The following PRKAR2A variants were observed in gnomAD, a reference collection of about 807,000 sequenced individuals.
The protein encoded by PRKAR2A is cAMP-dependent protein kinase type II-alpha regulatory subunit.
PRKAR2A carries 29 observed loss-of-function variants against 51.9 expected under a neutral mutation model. The ratio of observed to expected loss-of-function variants is 0.56; its 90% CI spans 0.42 to 0.76. The LOEUF (loss-of-function observed/expected upper bound fraction) is 0.76. Among genes scored for constraint, PRKAR2A ranks in the 30% least tolerant of loss-of-function variants. The pLI, the probability that PRKAR2A is intolerant of heterozygous loss-of-function variation, is 0.00. For synonymous variants in PRKAR2A, 178 were observed against 186.2 expected, an observed-to-expected ratio of 0.96 and a Z score of 0.36; for missense variants, 445 against 512.1, an observed-to-expected ratio of 0.87 and a Z score of 1.26.
At chr3:48,828,965 C>T (rs2083119190) in intron 1 of PRKAR2A, among the ~76,000 whole-genome samples, 1 of 151,846 alleles carries the variant, frequency 6.6e-6, no homozygotes, top group Admixed American at 6.6e-5. Context: ...TCCCGAGTAG[C>T]TAGGACTACA....
chr3:48,787,610 T>C (rs181027645), intron 4 of PRKAR2A, among the ~76,000 whole-genome samples: 1 of 152,294 alleles, frequency 6.6e-6, no homozygotes, highest in East Asian at 1.9e-4. Flanking sequence ...TATTCACAGA[T>C]AAAGAAGCAA....
chr3:48,755,871 G>T (rs1209316144), intron 9 of PRKAR2A, among the ~76,000 whole-genome samples: 1 of 150,138 alleles, frequency 6.7e-6, no homozygotes, highest in Non-Finnish European at 1.5e-5. Context: ...CTCTGCCTCC[G>T]GTGTTCATGC....
At chr3:48,827,736 TAGGACACTAC>T (rs2083093576) in intron 1 of PRKAR2A, among the ~76,000 whole-genome samples, 1 of 152,218 alleles carries the variant, frequency 6.6e-6, no homozygotes. Context: ...TGTGAAGGTC[TAGGACACTAC>T]TGTACACTAA....
Position 48,785,094 on chromosome 3 carries a change from C to CTT in PRKAR2A, c.436-2004_436-2003dup, listed in dbSNP as rs34088103. ...TATTGTGTTAACATAGGAAAATATT[C>CTT]TTTTTTTTTTTTTTTTGAGACAGTC... On this transcript the variant is annotated intron_variant, in intron 4 of 10. Transcript: ENST00000265563. Among the ~76,000 whole-genome samples the CTT allele has an allele frequency of 6.3e-3, 871 of 137,370 alleles. 13 individuals are homozygous for CTT. Among genetic ancestry groups the CTT allele is most frequent in the African/African-American group, 0.014 (506 of 37,094 alleles). 90.1% of individuals were successfully genotyped at this position (137,370 alleles called of 152,430 possible). A position where few individuals can be genotyped will look rare whatever the true frequency, so the allele number is the denominator to read the frequency against.
intron 1 of PRKAR2A, among the ~76,000 whole-genome samples, chr3:48,820,926 A>G (rs1371012991): frequency 6.6e-6 from 1 of 152,144 alleles, no homozygotes; most frequent in Non-Finnish European, 1.5e-5. Context: ...CCTGAGTTGG[A>G]CCTGAAATTC....
chr3:48,800,677 TC>T (rs2082574900), intron 2 of PRKAR2A, among the ~76,000 whole-genome samples: 1 of 86,334 alleles, frequency 1.2e-5, no homozygotes, highest in Non-Finnish European at 2.6e-5. Flanking sequence ...GCTTTTCTTT[TC>T]TTTTTTTTTT....
chr3:48,840,646 G>A (rs535267243), intron 1 of PRKAR2A, among the ~76,000 whole-genome samples: 19 of 124,212 alleles, frequency 1.5e-4, no homozygotes, highest in South Asian at 2.6e-4. Flanking sequence ...GCACAATCTC[G>A]GCTCACTGCA....
intron 9 of PRKAR2A, among the ~76,000 whole-genome samples, chr3:48,755,370 T>C (rs2081743886): frequency 6.6e-6 from 1 of 152,070 alleles, no homozygotes; most frequent in Non-Finnish European, 1.5e-5. Flanking sequence ...TATAACTGTT[T>C]TAACACACTC....
chr3:48,754,509 A>G (rs1371910689), intron 9 of PRKAR2A, among the ~76,000 whole-genome samples: 8 of 152,034 alleles, frequency 5.3e-5, no homozygotes, highest in Non-Finnish European at 7.4e-5. Context: ...CCGGTGGCTC[A>G]TGCCTGTAAT....
chr3:48,842,333 T>C (rs1050225177), intron 1 of PRKAR2A, among the ~76,000 whole-genome samples: 2 of 152,204 alleles, frequency 1.3e-5, no homozygotes, highest in Admixed American at 6.5e-5. Flanking sequence ...TGGGGTTTTC[T>C]AGATATACAA....
At chr3:48,846,847 G>A (rs1043965482) in intron 1 of PRKAR2A, among the ~76,000 whole-genome samples, 1 of 152,168 alleles carries the variant, frequency 6.6e-6, no homozygotes, top group Non-Finnish European at 1.5e-5. Context: ...TGTGACAAAC[G>A]CAACTGTTAA....
At chr3:48,774,039 C>A (rs1413241807) in intron 5 of PRKAR2A, among the ~76,000 whole-genome samples, 2 of 152,018 alleles carry the variant, frequency 1.3e-5, no homozygotes, top group African/African-American at 4.8e-5. Context: ...CACTATGTTG[C>A]CCAAGCTGGT....
chr3:48,758,917 A>G (rs1037831275), intron 8 of PRKAR2A, among the ~76,000 whole-genome samples: 1 of 152,256 alleles, frequency 6.6e-6, no homozygotes, highest in African/African-American at 2.4e-5. Context: ...GGTTGAGAGG[A>G]GATGGGAAAG....
intron 1 of PRKAR2A, among the ~76,000 whole-genome samples, chr3:48,819,948 G>A (rs957813921): frequency 6.6e-6 from 1 of 152,138 alleles, no homozygotes; most frequent in Non-Finnish European, 1.5e-5. Context: ...AGTCCTTGTG[G>A]GACTTCACTC....
Position 48,823,421 on chromosome 3 carries a change from C to G in PRKAR2A, c.263-15737G>C, listed in dbSNP as rs190045074. 1.4e-4 allele frequency among the ~76,000 whole-genome samples: 21 copies of G among 151,496 alleles called. 1 individual carries two copies. In the East Asian group the frequency reaches 4.1e-3, roughly 29 times the overall value. Reference sequence around the variant, plus strand: ...AAATGTGAGAATACCCAGCTGGTGTCTGCTGCTTGGTGTGTGGAGGAAAAA... The same window carrying G: ...AAATGTGAGAATACCCAGCTGGTGTGTGCTGCTTGGTGTGTGGAGGAAAAA... On this transcript the variant is annotated intron_variant, in intron 1 of 10. Transcript: ENST00000265563.
chr3:48,770,948 G>A (rs775368617), intron 6 of PRKAR2A, among the ~76,000 whole-genome samples: 3 of 152,190 alleles, frequency 2.0e-5, no homozygotes, highest in Admixed American at 6.5e-5. Flanking sequence ...TTATTTGGCC[G>A]GGTGCGGTGG....
chr3:48,836,753 G>C (rs2083293180), intron 1 of PRKAR2A, among the ~76,000 whole-genome samples: 1 of 151,606 alleles, frequency 6.6e-6, no homozygotes, highest in Admixed American at 6.6e-5. Flanking sequence ...AAGGCAGGAG[G>C]ATCCCTTGAG....
At chr3:48,829,871 ATTTTTTTTT>A (rs763726926) in intron 1 of PRKAR2A, among the ~76,000 whole-genome samples, 3 of 87,724 alleles carry the variant, frequency 3.4e-5, no homozygotes, top group African/African-American at 1.6e-4. Flanking sequence ...ATATATATAT[ATTTTTTTTT>A]TTTTTTTAAG....
chr3:48,835,253 G>A (rs961482673), intron 1 of PRKAR2A, among the ~76,000 whole-genome samples: 7 of 151,908 alleles, frequency 4.6e-5, no homozygotes, highest in Non-Finnish European at 1.0e-4. Flanking sequence ...TTACAGGCGT[G>A]AGCCACTATG....
Sources: gnomAD v4.1 joint callset for allele counts (sites outside exome capture counted in the v4.1 genomes callset) on GRCh38, gnomAD v4.1.1 for gene constraint, MANE v1.5 for transcripts, NCBI Gene and HGNC (gene_info 2026-07-23, HGNC 2026-07-21) for gene names.